Variants in CDK6 observed in about 807,000 individuals in gnomAD.
CDK6 encodes the protein cyclin dependent kinase 6, also known as cyclin-dependent kinase 6.
A neutral mutation model predicts 37.1 loss-of-function variants in CDK6; 6 were observed. That is an observed-to-expected ratio of 0.16 (90% CI 0.09 to 0.32). The LOEUF (loss-of-function observed/expected upper bound fraction) is 0.32, where lower values mean the gene tolerates loss of function less well. CDK6 is among the 10% of genes least tolerant of loss of function. The pLI, the probability that CDK6 is intolerant of heterozygous loss-of-function variation, is 1.00. For missense variants in CDK6, 224 were observed against 418.9 expected (o/e 0.53, Z 4.06); for synonymous variants, 160 against 161.3 (o/e 0.99, Z 0.06).
At chr7:92,691,363 C>A (rs765826408) in intron 4 of CDK6, among the ~76,000 whole-genome samples, 1 of 152,136 alleles carries the variant, frequency 6.6e-6, no homozygotes, top group Non-Finnish European at 1.5e-5. Context: ...ATTGCTCCTA[C>A]AATGAAGTAC....
At chr7:92,819,146 C>T (rs1801107005) in intron 2 of CDK6, among the ~76,000 whole-genome samples, 1 of 151,994 alleles carries the variant, frequency 6.6e-6, no homozygotes, top group Non-Finnish European at 1.5e-5. Context: ...TATAACAGCC[C>T]TAAACTGGAA....
intron 2 of CDK6, among the ~76,000 whole-genome samples, chr7:92,775,368 A>G (rs959554658): frequency 6.6e-6 from 1 of 152,232 alleles, no homozygotes; most frequent in African/African-American, 2.4e-5. Context: ...GCTGAGTCAA[A>G]TCATTCCCTG....
intron 3 of CDK6, 127 bp downstream of exon 3, chr7:92,774,569 A>C: frequency 1.3e-6 from 1 of 797,104 alleles, no homozygotes; most frequent in Non-Finnish European, 1.9e-6. Flanking sequence ...ATTTTCTTTG[A>C]TTTTTTTAAC....
chr7:92,662,318 G>T (rs1185051413), intron 5 of CDK6, among the ~76,000 whole-genome samples: 1 of 152,080 alleles, frequency 6.6e-6, no homozygotes, highest in Non-Finnish European at 1.5e-5. Context: ...TGGGTTGGGG[G>T]TGTGGAAGTA....
intron 2 of CDK6, among the ~76,000 whole-genome samples, chr7:92,790,476 A>G (rs1407669729): frequency 6.6e-6 from 1 of 152,218 alleles, no homozygotes; most frequent in African/African-American, 2.4e-5. Flanking sequence ...GCATTTAACC[A>G]GCAAACGTTT....
intron 3 of CDK6, among the ~76,000 whole-genome samples, chr7:92,743,137 C>T (rs140212474): frequency 1.1e-4 from 16 of 151,974 alleles, no homozygotes; most frequent in Non-Finnish European, 2.1e-4. Context: ...AGGACTTATA[C>T]TCACAATATA....
At position 92,836,465 on chromosome 7, in the gene CDK6, C is replaced by G. The variant is rs1229799643; in HGVS notation, c.-368+13G>C. On this transcript the variant is annotated intron_variant, in intron 1 of 7. Coordinates refer to ENST00000424848, the MANE Select transcript of CDK6 (RefSeq NM_001145306.2). ...ACCCCGCAGCCCACCCACCCGAGCG[C>G]ACAGCTCCTCACCTGAGGGGCCCAG... 2 of 151,614 alleles carry G rather than the reference C, an allele frequency of 1.3e-5. No individual in the cohort carries two copies. Among genetic ancestry groups the G allele is most frequent in the African/African-American group, 2.4e-5 (1 of 41,284 alleles). The allele number at this position is 151,614 out of a possible 1,614,324, so 9.4% of individuals were successfully genotyped here.
At chr7:92,775,122 A>T (rs984732877) in intron 2 of CDK6, among the ~76,000 whole-genome samples, 12 of 152,206 alleles carry the variant, frequency 7.9e-5, no homozygotes, top group Admixed American at 7.9e-4. Flanking sequence ...CTTAGTTAGG[A>T]CCTTAGATAG....
At chr7:92,804,012 TG>T (rs1392935343) in intron 2 of CDK6, among the ~76,000 whole-genome samples, 1 of 152,228 alleles carries the variant, frequency 6.6e-6, no homozygotes, top group Admixed American at 6.5e-5. Context: ...TCCACTGGTT[TG>T]TTTCATTTGA....
chr7:92,781,784 C>T (rs894271106), intron 2 of CDK6, among the ~76,000 whole-genome samples: 1 of 152,172 alleles, frequency 6.6e-6, no homozygotes, highest in African/African-American at 2.4e-5. Flanking sequence ...TCTGCTTGAA[C>T]TAGAGCCAGT....
intron 2 of CDK6, among the ~76,000 whole-genome samples, chr7:92,807,410 CTAGA>C (rs1394449902): frequency 3.3e-5 from 5 of 151,590 alleles, no homozygotes; most frequent in African/African-American, 4.8e-5. Context: ...AGATATCTAT[CTAGA>C]TATAGATAGA....
chr7:92,818,675 AAATATTTGT>A (rs1250482298), intron 2 of CDK6, among the ~76,000 whole-genome samples: 1 of 152,036 alleles, frequency 6.6e-6, no homozygotes, highest in Non-Finnish European at 1.5e-5. Context: ...GACCTGAAGA[AAATATTTGT>A]AATCCATGTA....
In CDK6 at chr7:92,667,327, A is replaced by G. The variant is rs544146216; in HGVS notation, c.647+4099T>C. 2.2e-3 allele frequency among the ~76,000 whole-genome samples: 331 copies of G among 152,074 alleles called. 1 individual carries two copies. Among genetic ancestry groups the G allele is most frequent in the South Asian group, 5.0e-3 (24 of 4,814 alleles). On this transcript the variant is annotated intron_variant, in intron 5 of 7. Coordinates refer to ENST00000424848, the MANE Select transcript of CDK6 (RefSeq NM_001145306.2). ...ATCCTCCCACTTCAGCCTCCGGAGT[A>G]GCTAGTACTACAGATGTGTGCTACC...
At chr7:92,806,930 C>T (rs1372218845) in intron 2 of CDK6, among the ~76,000 whole-genome samples, 14 of 152,246 alleles carry the variant, frequency 9.2e-5, no homozygotes. Context: ...AGACATAATA[C>T]GAAGAGGACA....
chr7:92,613,107 A>G lies in CDK6; in HGVS notation c.*2033T>C. On this transcript the variant is annotated 3_prime_UTR_variant, in exon 8 of 8. Coordinates refer to ENST00000424848, the MANE Select transcript of CDK6 (RefSeq NM_001145306.2). ...CATCTCCTTTATTATCTTGCTCTAG[A>G]AAACAATGTTCCTGTTCCTCAAGCT... The G allele has an allele frequency of 4.3e-6, 1 of 233,178 alleles. No individual in the cohort carries two copies. The highest frequency in any genetic ancestry group is 8.5e-6 in the Non-Finnish European group (1 of 118,000). The allele number at this position is 233,178 out of a possible 1,614,324, so 14.4% of individuals were successfully genotyped here. A position where few individuals can be genotyped will look rare whatever the true frequency, so the allele number is the denominator to read the frequency against.
At position 92,833,704 on chromosome 7, in the gene CDK6, C is replaced by T; in HGVS notation, c.-367-14G>A. 2.3e-6 allele frequency: 1 copy of T among 435,560 alleles called. No individual in the cohort carries two copies. The highest frequency in any genetic ancestry group is 4.0e-6 in the Non-Finnish European group (1 of 250,484). The allele number at this position is 435,560 out of a possible 1,614,324, so 27.0% of individuals were successfully genotyped here. A position where few individuals can be genotyped will look rare whatever the true frequency, so the allele number is the denominator to read the frequency against. On this transcript the variant is annotated splice_polypyrimidine_tract_variant and intron_variant, in intron 1 of 7. Transcript: ENST00000424848. This position sits in a 1 kb window ranked among gnomAD's most constrained non-coding sequence, Gnocchi z 6.1. The stretch of plus-strand genomic sequence containing the variant: ...GAATCATTGCACCTAAAGGAGGAGA[C>T]GGGAGGATAAGAAGAAAGTGCAATC...
chr7:92,661,886 GT>G (rs1796847623), intron 5 of CDK6, among the ~76,000 whole-genome samples: 1 of 152,168 alleles, frequency 6.6e-6, no homozygotes, highest in Non-Finnish European at 1.5e-5. Flanking sequence ...TGCAATAAAT[GT>G]TATCTATTAT....
chr7:92,764,278 A>C (rs1350054846), intron 3 of CDK6, among the ~76,000 whole-genome samples: 1 of 152,046 alleles, frequency 6.6e-6, no homozygotes, highest in Non-Finnish European at 1.5e-5. Flanking sequence ...AGCTGGGACT[A>C]TAGGTATGCA....
chr7:92,628,827 T>A (rs1330030471), intron 5 of CDK6, among the ~76,000 whole-genome samples: 1 of 152,000 alleles, frequency 6.6e-6, no homozygotes, highest in Non-Finnish European at 1.5e-5. Context: ...TTCTCCTATA[T>A]CCAAAACCTT....
Sources: gnomAD v4.1 joint callset for allele counts (sites outside exome capture counted in the v4.1 genomes callset) on GRCh38, gnomAD v4.1.1 for gene constraint, Gnocchi (gnomAD v3.1) non-coding constraint, MANE v1.5 for transcripts, NCBI Gene and HGNC (gene_info 2026-07-23, HGNC 2026-07-21) for gene names.